The following DMXL2 variants were observed in gnomAD, a reference collection of about 807,000 sequenced individuals.
DMXL2 encodes Dmx like 2.
In DMXL2, 103 loss-of-function variants were observed where a neutral mutation model predicts 331.1. The ratio of observed to expected loss-of-function variants is 0.31; its 90% CI spans 0.27 to 0.37. The LOEUF is 0.37. Among genes scored for constraint, DMXL2 ranks in the 10% least tolerant of loss-of-function variants. DMXL2 has a pLI of 1.00. For synonymous variants in DMXL2, 1,281 were observed against 1,252.1 expected, an observed-to-expected ratio of 1.02 and a Z score of -0.49; for missense variants, 3,171 against 3,642.9, an observed-to-expected ratio of 0.87 and a Z score of 3.33.
At chr15:51,585,675 C>A (rs2051764818) in intron 1 of DMXL2, among the ~76,000 whole-genome samples, 1 of 152,090 alleles carries the variant, frequency 6.6e-6, no homozygotes, top group Non-Finnish European at 1.5e-5. Context: ...TATAAAAGTA[C>A]CTATTTCTCC....
chr15:51,597,436 C>A (rs558803425), intron 1 of DMXL2, among the ~76,000 whole-genome samples: 38 of 152,284 alleles, frequency 2.5e-4, no homozygotes, highest in Non-Finnish European at 4.1e-4. Context: ...ATACTGTATG[C>A]TTTTGTGTCT....
rs2048287073 is a variant in DMXL2 at position 51,536,366 on chromosome 15, T to G, written c.2114A>C (p.Gln705Pro). Reference protein sequence around the residue: ...PVKHIKGSSKQPLRNAATRTF... With the variant: ...PVKHIKGSSKPPLRNAATRTF... ...ACGAGTTGCTGCATTTCTAAGAGGT[T>G]GTTTCGAGGAACCTTTTATATGTTT... The change falls in exon 12 of 44, where the codon CAA becomes CCA. Residue 705 changes from glutamine (Q) to proline (P), a missense_variant. Physicochemically the swap from Gln to Pro is moderately conservative, Grantham distance 76. Around this residue, in one of 7 missense-constraint regions of DMXL2, gnomAD observed 1,674 missense variants for 1,780.2 expected, o/e 0.94. Transcript: ENST00000560891. The G allele has an allele frequency of 1.5e-5, 24 of 1,613,758 alleles. No individual in the cohort carries two copies. The African/African-American group carries it at 1.9e-4, about 13-fold the overall frequency.
chr15:51,453,734 G>T, intron 40 of DMXL2, 93 bp from the exon 41 acceptor site: 1 of 984,438 alleles, frequency 1.0e-6, no homozygotes, highest in South Asian at 1.5e-5. Flanking sequence ...CATACTATAT[G>T]CATGAGCTAA....
chr15:51,574,911 T>C (rs1012049014), intron 2 of DMXL2, among the ~76,000 whole-genome samples: 2 of 152,182 alleles, frequency 1.3e-5, no homozygotes, highest in African/African-American at 2.4e-5. Context: ...ACAACTATCA[T>C]ACAACTTTAG....
intron 1 of DMXL2, among the ~76,000 whole-genome samples, chr15:51,585,971 G>T (rs934155711): frequency 1.3e-5 from 2 of 152,182 alleles, no homozygotes; most frequent in Non-Finnish European, 2.9e-5. Flanking sequence ...CCATTGAGAT[G>T]TAAGTCCACA....
chr15:51,482,425 G>A (rs917694019), intron 23 of DMXL2, among the ~76,000 whole-genome samples: 1 of 152,032 alleles, frequency 6.6e-6, no homozygotes, highest in Non-Finnish European at 1.5e-5. Context: ...TAACATCTAA[G>A]AAGAAAGAAC....
At chr15:51,595,231 T>A (rs1443206547) in intron 1 of DMXL2, among the ~76,000 whole-genome samples, 3 of 152,196 alleles carry the variant, frequency 2.0e-5, no homozygotes, top group Admixed American at 6.5e-5. Context: ...AGTCTCAGGA[T>A]ACAAAATCAA....
intron 8 of DMXL2, 112 bp downstream of exon 8, chr15:51,545,471 T>G (rs1003700366): frequency 2.3e-6 from 2 of 871,312 alleles, no homozygotes; most frequent in Non-Finnish European, 3.5e-6. Context: ...TTTATTGCTA[T>G]TAATTTCACT....
In DMXL2 at chr15:51,479,153, T is replaced by TA. The variant is rs1351232537; in HGVS notation, c.6756+794dup. 2.0e-5 allele frequency among the ~76,000 whole-genome samples: 3 copies of TA among 152,198 alleles called. No homozygotes were observed. The East Asian group carries it at 5.8e-4, about 29-fold the overall frequency. The stretch of plus-strand genomic sequence containing the variant: ...AACAAATGATTTAAATAATCTCTGC[T>TA]AAAATACTAATACAGGTTAATTCAT... On this transcript the variant is annotated intron_variant, in intron 25 of 43. Transcript: ENST00000560891.
At chr15:51,558,415 T>C (rs1488405059) in intron 6 of DMXL2, among the ~76,000 whole-genome samples, 2 of 152,226 alleles carry the variant, frequency 1.3e-5, no homozygotes, top group African/African-American at 4.8e-5. Context: ...CAATTACTTC[T>C]CTATTTTCAT....
rs183347491 is a variant in DMXL2 at position 51,486,047 on chromosome 15, A to G, written c.5482+26T>C. The G allele has an allele frequency of 4.1e-5, 63 of 1,535,748 alleles. No individual in the cohort carries two copies. In the African/African-American group the frequency reaches 6.9e-4, roughly 17 times the overall value. On this transcript the variant is annotated intron_variant, in intron 23 of 43. Coordinates refer to ENST00000560891, the MANE Select transcript of DMXL2 (RefSeq NM_001378457.1). ...AGTATCTCTTCCTTTAAAAAAGAAA[A>G]AAAAGAAATCCACAAAACGTCCTAC...
chr15:51,466,814 T>G (rs2040618847), intron 29 of DMXL2, among the ~76,000 whole-genome samples: 1 of 152,020 alleles, frequency 6.6e-6, no homozygotes, highest in South Asian at 2.1e-4. Context: ...TCTCTTCCTG[T>G]TTTGGAACTT....
At chr15:51,616,885 A>T (rs1407517358) in intron 1 of DMXL2, among the ~76,000 whole-genome samples, 1 of 145,790 alleles carries the variant, frequency 6.9e-6, no homozygotes, top group Non-Finnish European at 1.5e-5. Flanking sequence ...TGTGGTGAGC[A>T]GAGGTTGCAC....
intron 33 of DMXL2, among the ~76,000 whole-genome samples, chr15:51,461,035 G>A (rs559671326): frequency 6.6e-6 from 1 of 152,256 alleles, no homozygotes; most frequent in African/African-American, 2.4e-5. Context: ...AAAGTTCTAT[G>A]GGACAGTACT....
At chr15:51,479,093 C>A (rs1035564293) in intron 25 of DMXL2, among the ~76,000 whole-genome samples, 3 of 152,072 alleles carry the variant, frequency 2.0e-5, no homozygotes, top group Admixed American at 2.0e-4. Context: ...AATTCATATG[C>A]TTTTTATGCC....
intron 1 of DMXL2, among the ~76,000 whole-genome samples, chr15:51,618,775 T>C (rs2054447798): frequency 6.6e-6 from 1 of 152,220 alleles, no homozygotes; most frequent in Non-Finnish European, 1.5e-5. Flanking sequence ...TTTCCAAACC[T>C]TACTCTTCCA....
At chr15:51,540,967 A>T (rs1217047299) in intron 9 of DMXL2, among the ~76,000 whole-genome samples, 1 of 152,184 alleles carries the variant, frequency 6.6e-6, no homozygotes, top group Non-Finnish European at 1.5e-5. Flanking sequence ...CACAGTTAAA[A>T]AGCCAAGGTT....
intron 1 of DMXL2, among the ~76,000 whole-genome samples, chr15:51,609,942 AAAAAACTATCTAGGTTT>A (rs1234848371): frequency 7.4e-6 from 1 of 135,128 alleles, no homozygotes; most frequent in African/African-American, 2.7e-5. Flanking sequence ...AAAAAAAAAA[AAAAAACTATCTAGGTTT>A]GTGTAAGTAC....
At chr15:51,506,917 T>C (rs1411625044) in intron 16 of DMXL2, among the ~76,000 whole-genome samples, 1 of 152,230 alleles carries the variant, frequency 6.6e-6, no homozygotes, top group East Asian at 1.9e-4. Context: ...TTTTATTTTT[T>C]TTCAATATGT....
Sources: allele counts gnomAD v4.1 joint callset (sites outside exome capture counted in the v4.1 genomes callset), GRCh38; gene constraint gnomAD v4.1.1; regional missense constraint gnomAD v4.1.1; transcripts MANE v1.5; gene names NCBI Gene and HGNC (gene_info 2026-07-23, HGNC 2026-07-21).